Variants in TRIP12 observed in about 807,000 individuals in gnomAD.
The protein encoded by TRIP12 is thyroid hormone receptor interactor 12.
Under a neutral mutation model 244.2 loss-of-function variants are expected in TRIP12, and 25 were observed. The observed-to-expected ratio is 0.10, with a 90% CI of 0.07 to 0.14. TRIP12 has a LOEUF of 0.14. Ranked by LOEUF, TRIP12 falls within the 10% of genes least tolerant of loss-of-function variation. TRIP12 has a pLI of 1.00. For synonymous variants in TRIP12, 905 were observed against 873.1 expected, an observed-to-expected ratio of 1.04 and a Z score of -0.64; for missense variants, 1,677 against 2,486.4, an observed-to-expected ratio of 0.67 and a Z score of 6.92.
At chr2:229,901,556 G>A (rs180768211) in intron 1 of TRIP12, among the ~76,000 whole-genome samples, 2 of 150,408 alleles carry the variant, frequency 1.3e-5, no homozygotes, top group Admixed American at 1.3e-4. Flanking sequence ...CTGGGTGGTG[G>A]AGGTTGCAGT....
intron 11 of TRIP12, 87 bp downstream of exon 11, chr2:229,815,008 CTTTA>C: frequency 4.1e-6 from 4 of 981,260 alleles, no homozygotes; most frequent in Middle Eastern, 2.2e-4. Context: ...AAAAAATATA[CTTTA>C]TTTAGAAAAT....
intron 1 of TRIP12, among the ~76,000 whole-genome samples, chr2:229,893,766 G>A (rs1479456026): frequency 6.6e-6 from 1 of 152,132 alleles, no homozygotes; most frequent in African/African-American, 2.4e-5. Flanking sequence ...TCTTTCCATG[G>A]ATACATGCTT....
At chr2:229,846,388 T>G (rs573386875) in intron 4 of TRIP12, among the ~76,000 whole-genome samples, 5 of 152,272 alleles carry the variant, frequency 3.3e-5, no homozygotes, top group Non-Finnish European at 7.4e-5. Context: ...GCAAAAAGAT[T>G]ATGACTTGCT....
At chr2:229,844,078 T>C (rs951354489) in intron 4 of TRIP12, among the ~76,000 whole-genome samples, 1 of 152,230 alleles carries the variant, frequency 6.6e-6, no homozygotes, top group African/African-American at 2.4e-5. Flanking sequence ...AGTTGCAAGC[T>C]TTGAATTTTT....
At chr2:229,850,775 C>T (rs2058515579) in intron 4 of TRIP12, among the ~76,000 whole-genome samples, 2 of 152,224 alleles carry the variant, frequency 1.3e-5, no homozygotes, top group African/African-American at 4.8e-5. Context: ...AGCTGGAGTT[C>T]CGGGTGGGTG....
chr2:229,778,790 T>C lies in TRIP12; in HGVS notation c.5209+86A>G, dbSNP rs1396789746. On this transcript the variant is annotated intron_variant, in intron 35 of 41. Transcript: ENST00000675903. The surrounding 1 kb of genome is among the most constrained non-coding windows in gnomAD (Gnocchi z 4.1). ...AAAGAAAGCAAGTACAGCTGTCCAT[T>C]AGAAATTAAATATGTCTAATAAACT... The C allele has an allele frequency of 1.4e-6, 2 of 1,408,280 alleles. No individual in the cohort carries two copies. Among genetic ancestry groups the C allele is most frequent in the Non-Finnish European group, 2.0e-6 (2 of 1,010,934 alleles). 87.2% of individuals were successfully genotyped at this position (1,408,280 alleles called of 1,614,324 possible).
chr2:229,772,487 A>G (rs2034732402), intron 38 of TRIP12, among the ~76,000 whole-genome samples: 1 of 152,152 alleles, frequency 6.6e-6, no homozygotes, highest in Non-Finnish European at 1.5e-5. Flanking sequence ...TTTTTGAGAC[A>G]GAGTCTCGCT....
chr2:229,904,499 T>C (rs2072099098), intron 1 of TRIP12, among the ~76,000 whole-genome samples: 1 of 151,214 alleles, frequency 6.6e-6, no homozygotes, highest in Non-Finnish European at 1.5e-5. Context: ...ATAAAGCACA[T>C]TAATGAAGAA....
chr2:229,831,266 G>A (rs1365290181), intron 6 of TRIP12: 7 of 629,786 alleles, frequency 1.1e-5, no homozygotes, highest in East Asian at 5.5e-5. Context: ...GTATGTAGAC[G>A]TCTGCCTTCT....
At chr2:229,922,956 G>A (rs577908983), upstream of TRIP12, among the ~76,000 whole-genome samples, 20 of 152,350 alleles carry the variant, frequency 1.3e-4, no homozygotes, top group South Asian at 3.7e-3. Flanking sequence ...AGCGTGAGAA[G>A]GAGGGAAAGA....
At position 229,785,847 on chromosome 2, in the gene TRIP12, C is replaced by G. The variant is rs780286735; in HGVS notation, c.5004G>C (p.Val1668=). The G allele has an allele frequency of 6.2e-7, 1 of 1,612,838 alleles. No individual in the cohort carries two copies. ...APRLDRKKRT[V]NREELLKQAE... Reference sequence around the variant, plus strand: ...CCTGTTTCAGCAGCTCCTCTCGGTTCACAGTACGCTACAAAGAAAGTACAA... The same window carrying G: ...CCTGTTTCAGCAGCTCCTCTCGGTTGACAGTACGCTACAAAGAAAGTACAA... The change falls in exon 34 of 42, where the codon GTG becomes GTC. Residue 1668 remains valine, a synonymous_variant. Coordinates refer to ENST00000675903, the MANE Select transcript of TRIP12 (RefSeq NM_001348323.3).
intron 1 of TRIP12, among the ~76,000 whole-genome samples, chr2:229,884,888 T>C (rs1174871879): frequency 2.0e-5 from 3 of 152,106 alleles, no homozygotes; most frequent in East Asian, 1.9e-4. Context: ...GAAGATTACT[T>C]AAGCCTGGGA....
intron 9 of TRIP12, among the ~76,000 whole-genome samples, chr2:229,818,132 A>G (rs2048970859): frequency 6.6e-6 from 1 of 152,230 alleles, no homozygotes; most frequent in Non-Finnish European, 1.5e-5. Context: ...TCATTTAAGT[A>G]TCAAGAAGTG....
At chr2:229,851,702 A>G (rs2058735746) in intron 4 of TRIP12, among the ~76,000 whole-genome samples, 1 of 152,164 alleles carries the variant, frequency 6.6e-6, no homozygotes, top group East Asian at 1.9e-4. Flanking sequence ...CCATGAGCCC[A>G]CCGGGAGGAA....
intron 15 of TRIP12, among the ~76,000 whole-genome samples, chr2:229,808,999 T>G (rs1162805401): frequency 6.6e-6 from 1 of 152,170 alleles, no homozygotes; most frequent in Non-Finnish European, 1.5e-5. Flanking sequence ...TACCGTTTAG[T>G]CAGTCTAAAC....
At chr2:229,830,313 G>C (rs2053001980) in intron 7 of TRIP12, among the ~76,000 whole-genome samples, 1 of 152,136 alleles carries the variant, frequency 6.6e-6, no homozygotes, top group Admixed American at 6.6e-5. Context: ...TGAAAAGTCC[G>C]ACCTTGGTGA....
intron 2 of TRIP12, among the ~76,000 whole-genome samples, chr2:229,875,078 G>GA (rs2063351879): frequency 6.6e-6 from 1 of 151,914 alleles, no homozygotes; most frequent in Non-Finnish European, 1.5e-5. Context: ...TCCTATAGAA[G>GA]AAAAAGAGAA....
At chr2:229,883,525 T>C (rs2065303746) in intron 1 of TRIP12, among the ~76,000 whole-genome samples, 1 of 152,234 alleles carries the variant, frequency 6.6e-6, no homozygotes, top group African/African-American at 2.4e-5. Context: ...GAAACTAGAA[T>C]TATAAACCCA....
chr2:229,873,299 C>A (rs1159492965), intron 2 of TRIP12, among the ~76,000 whole-genome samples: 2 of 152,114 alleles, frequency 1.3e-5, no homozygotes, highest in Non-Finnish European at 1.5e-5. Flanking sequence ...TCCCTTGGAC[C>A]AAGCAGTTTC....
Sources: gnomAD v4.1 joint callset for allele counts (sites outside exome capture counted in the v4.1 genomes callset) on GRCh38, gnomAD v4.1.1 for gene constraint, Gnocchi (gnomAD v3.1) non-coding constraint, MANE v1.5 for transcripts, NCBI Gene and HGNC (gene_info 2026-07-23, HGNC 2026-07-21) for gene names.